Variants in DNAJC16 observed in about 807,000 individuals in gnomAD.
DNAJC16 encodes the protein DnaJ heat shock protein family (Hsp40) member C16, also known as dnaJ homolog subfamily C member 16.
DNAJC16 carries 76 observed loss-of-function variants against 92.7 expected under a neutral mutation model. The observed-to-expected ratio is 0.82, with a 90% CI of 0.68 to 0.99. DNAJC16 has a LOEUF of 0.99. Ranked by LOEUF, DNAJC16 falls within the 50% of genes least tolerant of loss-of-function variation. DNAJC16 has a pLI of 0.00. For synonymous variants in DNAJC16, 328 were observed against 358.7 expected, an observed-to-expected ratio of 0.91 and a Z score of 0.97; for missense variants, 869 against 942.4, an observed-to-expected ratio of 0.92 and a Z score of 1.02.
intron 4 of DNAJC16, among the ~76,000 whole-genome samples, chr1:15,541,778 C>T (rs896115516): frequency 6.6e-6 from 1 of 152,108 alleles, no homozygotes; most frequent in African/African-American, 2.4e-5. Context: ...CTAAAAGCAA[C>T]TTTAATATTG....
In DNAJC16 at chr1:15,562,293, CCAGA is replaced by C; in HGVS notation, c.1310_1313del (p.Asp437ValfsTer13). ...GCAGGAGTTTGCCGACACCTTACTA[CCAGA>C]CAGTGAGGCGTTTCAAGGGAAATCA... On this transcript the variant is annotated frameshift_variant, in exon 9 of 15. Transcript: ENST00000375847. LOFTEE classifies it high-confidence loss of function. 3 of 1,613,736 alleles carry C rather than the reference CCAGA, an allele frequency of 1.9e-6. No homozygotes were observed. The highest frequency in any genetic ancestry group is 2.5e-6 in the Non-Finnish European group (3 of 1,179,732).
At chr1:15,567,519 T>C (rs1007760290) in intron 14 of DNAJC16, among the ~76,000 whole-genome samples, 7 of 152,178 alleles carry the variant, frequency 4.6e-5, no homozygotes, top group Non-Finnish European at 5.9e-5. Flanking sequence ...TTTCAGTTAC[T>C]GTTCTCTAGC....
In DNAJC16 at chr1:15,571,075, C is replaced by G. The variant is rs1213706197; in HGVS notation, c.*2898C>G. ...AATTTTTATCTAACACTGAGGCTATCAGCTCCAACTAAACAACATTTCAGT... is the reference window on the plus strand; with the variant it reads ...AATTTTTATCTAACACTGAGGCTATGAGCTCCAACTAAACAACATTTCAGT... On this transcript the variant is annotated 3_prime_UTR_variant, in exon 15 of 15. Transcript: ENST00000375847. The G allele has an allele frequency of 6.6e-6, 1 of 152,006 alleles. No homozygotes were observed. The highest frequency in any genetic ancestry group is 1.5e-5 in the Non-Finnish European group (1 of 68,006). The allele number at this position is 152,006 out of a possible 1,614,324, so 9.4% of individuals were successfully genotyped here. A position where few individuals can be genotyped will look rare whatever the true frequency, so the allele number is the denominator to read the frequency against.
intron 4 of DNAJC16, among the ~76,000 whole-genome samples, chr1:15,539,549 T>TTTTTTC (rs1710882635): frequency 6.6e-6 from 1 of 151,928 alleles, no homozygotes; most frequent in Admixed American, 6.6e-5. Flanking sequence ...CCTGGCTTTT[T>TTTTTTC]TTTTTCTTTT....
intron 4 of DNAJC16, among the ~76,000 whole-genome samples, chr1:15,541,250 A>G (rs1345588811): frequency 2.0e-5 from 3 of 152,124 alleles, no homozygotes; most frequent in African/African-American, 4.8e-5. Flanking sequence ...AAATCTCCCA[A>G]TGTATGTGCC....
intron 6 of DNAJC16, 98 bp from the exon 7 acceptor site, chr1:15,548,172 G>A (rs1181277443): frequency 2.5e-5 from 30 of 1,209,900 alleles, no homozygotes; most frequent in Non-Finnish European, 3.4e-5. Context: ...AAGCTGGCAT[G>A]TACCTCTCTG....
At chr1:15,564,869 CTG>C (rs1638775009) in intron 11 of DNAJC16, among the ~76,000 whole-genome samples, 1 of 150,762 alleles carries the variant, frequency 6.6e-6, no homozygotes, top group South Asian at 2.1e-4. Context: ...GAGTCTCACT[CTG>C]TCACTCAGAC....
chr1:15,562,727 A>G (rs1187013574), intron 9 of DNAJC16, among the ~76,000 whole-genome samples: 1 of 151,052 alleles, frequency 6.6e-6, no homozygotes, highest in African/African-American at 2.4e-5. Context: ...AGCTCAGGCA[A>G]TCCTCCCGCC....
chr1:15,563,432 G>A (rs111393493), intron 9 of DNAJC16, among the ~76,000 whole-genome samples: 41,613 of 151,716 alleles, frequency 0.27, 6,495 homozygotes, highest in African/African-American at 0.42. Flanking sequence ...AGCAGGCTGA[G>A]GCACGAGAAT....
intron 7 of DNAJC16, among the ~76,000 whole-genome samples, chr1:15,558,285 A>G (rs1638616302): frequency 6.7e-6 from 1 of 148,644 alleles, no homozygotes; most frequent in Non-Finnish European, 1.5e-5. Context: ...GGGCTCAAGC[A>G]GTCCTCCCAC....
chr1:15,546,309 G>A (rs1303107286), intron 5 of DNAJC16, among the ~76,000 whole-genome samples: 1 of 152,162 alleles, frequency 6.6e-6, no homozygotes, highest in Non-Finnish European at 1.5e-5. Context: ...GCAAGACCCT[G>A]TCTCAGAAAA....
Position 15,570,315 on chromosome 1 carries a change from T to C in DNAJC16, c.*2138T>C, listed in dbSNP as rs1371846914. On this transcript the variant is annotated 3_prime_UTR_variant, in exon 15 of 15. Transcript: ENST00000375847. ...TGGTAGTAGGTTTTTATTTTTAATT[T>C]CTGTACTAATGAAATTCCTGACTTT... is the stretch of plus-strand genomic sequence containing the variant. The C allele has an allele frequency of 6.6e-6, 1 of 152,170 alleles. No homozygotes were observed. The highest frequency in any genetic ancestry group is 6.5e-5 in the Admixed American group (1 of 15,270). 9.4% of individuals were successfully genotyped at this position (152,170 alleles called of 1,614,324 possible). A position where few individuals can be genotyped will look rare whatever the true frequency, so the allele number is the denominator to read the frequency against.
chr1:15,535,441 T>C (rs1710757033), intron 3 of DNAJC16, among the ~76,000 whole-genome samples: 1 of 152,362 alleles, frequency 6.6e-6, no homozygotes, highest in East Asian at 1.9e-4. Context: ...TTCTTTTGAA[T>C]GACTGCATTT....
chr1:15,559,498 A>C (rs1638643995), intron 7 of DNAJC16, 28 bp from the exon 8 acceptor site: 1 of 1,613,532 alleles, frequency 6.2e-7, no homozygotes. Flanking sequence ...ACTGCATAAA[A>C]TCTAGCTGAT....
intron 2 of DNAJC16, among the ~76,000 whole-genome samples, chr1:15,530,528 G>A (rs535014628): frequency 1.3e-5 from 2 of 152,308 alleles, no homozygotes; most frequent in South Asian, 2.1e-4. Flanking sequence ...GCAGAAGGAG[G>A]AAAGGACAGA....
intron 4 of DNAJC16, among the ~76,000 whole-genome samples, chr1:15,539,251 T>A (rs994715616): frequency 8.4e-4 from 128 of 152,068 alleles, no homozygotes; most frequent in Non-Finnish European, 1.4e-3. Context: ...TTATTTTTTT[T>A]TTTTATTTTT....
chr1:15,541,475 TG>T (rs1223369736), intron 4 of DNAJC16, among the ~76,000 whole-genome samples: 1 of 152,192 alleles, frequency 6.6e-6, no homozygotes, highest in Non-Finnish European at 1.5e-5. Flanking sequence ...AACCTCTCTC[TG>T]TATCTGTAAA....
At position 15,536,528 on chromosome 1, in the gene DNAJC16, A is replaced by C; in HGVS notation, c.288A>C (p.Gly96=). Residue 96 remains glycine, a synonymous_variant, in exon 4 of 15, where the codon GGA becomes GGC. Transcript: ENST00000375847. ...RSNYDQYGDA[G]ENQGYQKQQQ... ...ATTATGATCAATATGGAGACGCTGG[A>C]GAGAACCAGGGCTACCAGAAGCAGC... The C allele has an allele frequency of 1.9e-6, 3 of 1,613,890 alleles. No homozygotes were observed. Among genetic ancestry groups the C allele is most frequent in the Non-Finnish European group, 2.5e-6 (3 of 1,179,932 alleles).
chr1:15,556,274 G>T (rs1038385865), intron 7 of DNAJC16, among the ~76,000 whole-genome samples: 6 of 151,904 alleles, frequency 3.9e-5, no homozygotes, highest in African/African-American at 1.5e-4. Flanking sequence ...TTGCTCTGTC[G>T]CCCAGGCTGG....
Sources: gnomAD v4.1 joint callset for allele counts (sites outside exome capture counted in the v4.1 genomes callset) on GRCh38, gnomAD v4.1.1 for gene constraint, MANE v1.5 for transcripts, NCBI Gene and HGNC (gene_info 2026-07-23, HGNC 2026-07-21) for gene names.